EMB: variants seen among roughly 807,000 people sequenced by gnomAD.
EMB encodes embigin.
EMB carries 31 observed loss-of-function variants against 41.4 expected under a neutral mutation model. The observed-to-expected ratio is 0.75, with a 90% CI of 0.56 to 1.01. EMB has a LOEUF of 1.01. Ranked by LOEUF, EMB falls within the 50% of genes least tolerant of loss-of-function variation. The pLI, the probability that EMB is intolerant of heterozygous loss-of-function variation, is 0.00. For missense variants in EMB, 379 were observed against 388.3 expected, an observed-to-expected ratio of 0.98 and a Z score of 0.20; for synonymous variants, 137 against 140.4, an observed-to-expected ratio of 0.98 and a Z score of 0.17.
chr5:50,405,883 T>C (rs759550091), intron 4 of EMB, 31 bp from the exon 5 acceptor site: 1 of 1,558,674 alleles, frequency 6.4e-7, no homozygotes, highest in Non-Finnish European at 8.6e-7. Flanking sequence ...TGTATGTTAC[T>C]GAAAGAGTTT....
intron 7 of EMB, among the ~76,000 whole-genome samples, chr5:50,402,030 T>TCA (rs944467918): frequency 6.6e-6 from 1 of 151,850 alleles, no homozygotes; most frequent in African/African-American, 2.4e-5. Flanking sequence ...TCCAACAACC[T>TCA]CATATGGTGA....
chr5:50,408,458 T>C (rs953251899), intron 4 of EMB, among the ~76,000 whole-genome samples: 4 of 152,030 alleles, frequency 2.6e-5, no homozygotes, highest in African/African-American at 9.7e-5. Flanking sequence ...AGCAGGTTTT[T>C]GTGCATTGAA....
intron 2 of EMB, among the ~76,000 whole-genome samples, chr5:50,426,742 G>A (rs1745616354): frequency 6.6e-6 from 1 of 152,016 alleles, no homozygotes; most frequent in Non-Finnish European, 1.5e-5. Context: ...TCAATGTTAT[G>A]AAAATATGAA....
At position 50,403,244 on chromosome 5, in the gene EMB, C is replaced by T; in HGVS notation, c.811G>A (p.Val271Met). 1 of 1,612,356 alleles carries T rather than the reference C, an allele frequency of 6.2e-7. No individual in the cohort carries two copies. The highest frequency in any genetic ancestry group is 1.1e-5 in the South Asian group (1 of 91,020). The change falls in exon 6 of 9, where the codon GTG becomes ATG. Residue 271 changes from valine (V) to methionine (M), a missense_variant. Val to Met is a conservative substitution (Grantham distance 21). Coordinates refer to ENST00000303221, the MANE Select transcript of EMB (RefSeq NM_198449.3). ...LKPFLVIVAE[V>M]ILLVATILLC... ...AGAATGGTGGCCACTAAAAGAATCA[C>T]CTCAGCCACTATTACAAGAAATGGT...
chr5:50,424,514 G>A (rs1449996644), intron 2 of EMB, among the ~76,000 whole-genome samples: 2 of 152,168 alleles, frequency 1.3e-5, no homozygotes, highest in Non-Finnish European at 2.9e-5. Context: ...GAGGTCCTGT[G>A]CCTGTGATTC....
intron 2 of EMB, among the ~76,000 whole-genome samples, chr5:50,414,694 A>G (rs1227848064): frequency 1.3e-5 from 2 of 152,196 alleles, no homozygotes; most frequent in African/African-American, 4.8e-5. Flanking sequence ...TGCTTGTAAA[A>G]TTGCAAAATT....
At chr5:50,442,282 A>C (rs1304212647), upstream of EMB, among the ~76,000 whole-genome samples, 2 of 152,156 alleles carry the variant, frequency 1.3e-5, no homozygotes, top group African/African-American at 2.4e-5. Flanking sequence ...TGTTTATTCC[A>C]GGCAGGAATG....
chr5:50,418,870 G>A (rs1226429737), intron 2 of EMB, among the ~76,000 whole-genome samples: 4 of 151,972 alleles, frequency 2.6e-5, no homozygotes, highest in Non-Finnish European at 5.9e-5. Context: ...ACTGTTTCTG[G>A]GCTTGAGATC....
chr5:50,437,066 T>G (rs937532691), intron 1 of EMB, among the ~76,000 whole-genome samples: 1 of 151,492 alleles, frequency 6.6e-6, no homozygotes, highest in African/African-American at 2.4e-5. Context: ...AGCCTAGGAG[T>G]TCAAGGCCAG....
upstream of EMB, among the ~76,000 whole-genome samples, chr5:50,442,706 T>G (rs560363737): frequency 2.3e-4 from 35 of 152,348 alleles, 1 homozygote; most frequent in South Asian, 7.0e-3. Context: ...AAACCCAAAT[T>G]GCCTAATCAA....
intron 7 of EMB, among the ~76,000 whole-genome samples, chr5:50,400,686 A>G (rs933539195): frequency 1.3e-5 from 2 of 152,036 alleles, no homozygotes; most frequent in African/African-American, 4.8e-5. Context: ...TATACAATCT[A>G]AAGATAGTGA....
intron 8 of EMB, among the ~76,000 whole-genome samples, chr5:50,399,583 G>A (rs1290254081): frequency 6.6e-6 from 1 of 151,946 alleles, no homozygotes. Flanking sequence ...ATGAAAAATT[G>A]TAAAAGAAAC....
intron 1 of EMB, among the ~76,000 whole-genome samples, chr5:50,435,999 A>C (rs1474315144): frequency 6.6e-6 from 1 of 152,084 alleles, no homozygotes; most frequent in East Asian, 1.9e-4. Flanking sequence ...CTACTTTCCC[A>C]CACTAGCCCT....
chr5:50,432,883 C>T (rs1745743826), intron 1 of EMB, among the ~76,000 whole-genome samples: 3 of 151,936 alleles, frequency 2.0e-5, no homozygotes, highest in African/African-American at 7.2e-5. Flanking sequence ...TTGAGACCAG[C>T]CTGGCCAGCA....
chr5:50,428,254 A>G (rs1198789278), intron 1 of EMB, 27 bp from the exon 2 acceptor site: 3 of 1,513,142 alleles, frequency 2.0e-6, no homozygotes, highest in Non-Finnish European at 2.8e-6. Context: ...ACATGATTAC[A>G]CACTCTTATC....
chr5:50,419,809 G>GA (rs1168369845), intron 2 of EMB, among the ~76,000 whole-genome samples: 3 of 152,150 alleles, frequency 2.0e-5, no homozygotes, highest in Non-Finnish European at 2.9e-5. Context: ...ACTGGATAAA[G>GA]AAAATGTGGT....
At chr5:50,430,166 T>C (rs1435893662) in intron 1 of EMB, among the ~76,000 whole-genome samples, 3 of 152,196 alleles carry the variant, frequency 2.0e-5, no homozygotes, top group Non-Finnish European at 4.4e-5. Flanking sequence ...TCAAGGCAGA[T>C]GCTATTCACT....
At chr5:50,425,721 G>A (rs116725969) in intron 2 of EMB, among the ~76,000 whole-genome samples, 2,184 of 64,024 alleles carry the variant, frequency 0.034, 68 homozygotes, top group African/African-American at 0.21. Context: ...TGGGGGGGCA[G>A]GGGAGATGGA....
rs138980748 is a variant in EMB, at chr5:50,410,958, T to C, written c.391A>G (p.Ile131Val). The C allele has an allele frequency of 2.5e-6, 4 of 1,599,832 alleles. No individual in the cohort carries two copies. The highest frequency in any genetic ancestry group is 2.7e-5 in the African/African-American group (2 of 74,148). Residue 131 changes from isoleucine (I) to valine (V), a missense_variant, in exon 4 of 9, where the codon ATC (isoleucine) becomes GTC (valine). Ile to Val is a conservative substitution (Grantham distance 29). Coordinates refer to ENST00000303221, the MANE Select transcript of EMB (RefSeq NM_198449.3). ...CTTCCCATTTGTTTGCTATTAATGA[T>C]GGTGAACCTAAAGATAATTCAAGTT... ...STLYTQYRFT[I>V]INSKQMGSYS...
Sources: allele counts gnomAD v4.1 joint callset (sites outside exome capture counted in the v4.1 genomes callset), GRCh38; gene constraint gnomAD v4.1.1; transcripts MANE v1.5; gene names NCBI Gene and HGNC (gene_info 2026-07-23, HGNC 2026-07-21).